The following NRXN1 variants were observed in gnomAD, a reference collection of about 807,000 sequenced individuals.
The protein encoded by NRXN1 is neurexin 1.
A neutral mutation model predicts 150.9 loss-of-function variants in NRXN1; 39 were observed. The ratio of observed to expected loss-of-function variants is 0.26; its 90% CI spans 0.20 to 0.34. The LOEUF is 0.34. Ranked by LOEUF, NRXN1 falls within the 10% of genes least tolerant of loss-of-function variation. The pLI, the probability that NRXN1 is intolerant of heterozygous loss-of-function variation, is 1.00. For synonymous variants in NRXN1, 924 were observed against 757.0 expected, an observed-to-expected ratio of 1.22 and a Z score of -3.62; for missense variants, 1,815 against 1,949.9, an observed-to-expected ratio of 0.93 and a Z score of 1.30.
At chr2:50,692,998 T>A (rs1692287314) in intron 5 of NRXN1, among the ~76,000 whole-genome samples, 1 of 152,168 alleles carries the variant, frequency 6.6e-6, no homozygotes, top group South Asian at 2.1e-4. Context: ...TATCAGTTAC[T>A]GTGTCAATGT....
intron 5 of NRXN1, among the ~76,000 whole-genome samples, chr2:50,817,131 G>C (rs1278071323): frequency 6.6e-6 from 1 of 151,954 alleles, no homozygotes; most frequent in Non-Finnish European, 1.5e-5. Flanking sequence ...GGTGGAGGAA[G>C]GAACAAGAAA....
At chr2:50,339,796 T>C (rs2077432500) in intron 17 of NRXN1, among the ~76,000 whole-genome samples, 1 of 152,220 alleles carries the variant, frequency 6.6e-6, no homozygotes, top group South Asian at 2.1e-4. Flanking sequence ...CACAAGGTAA[T>C]ATTAGATAAA....
intron 18 of NRXN1, among the ~76,000 whole-genome samples, chr2:50,104,857 G>C (rs1049875823): frequency 2.0e-5 from 3 of 151,940 alleles, no homozygotes; most frequent in Admixed American, 6.6e-5. Flanking sequence ...CTTTGAAAAA[G>C]AGAGACACTA....
In NRXN1 at chr2:50,610,642, C is replaced by T. The variant is rs371867677; in HGVS notation, c.1320+9380G>A. On this transcript the variant is annotated intron_variant, in intron 8 of 22. Transcript: ENST00000401669. Reference sequence around the variant, plus strand: ...GCCTGGCACATACTATAAATAGATACATATATATATATATATATATATATA... The same window carrying T: ...GCCTGGCACATACTATAAATAGATATATATATATATATATATATATATATA... Among the ~76,000 whole-genome samples the T allele has an allele frequency of 5.8e-4, 25 of 42,864 alleles. 1 individual carries two copies. The highest frequency in any genetic ancestry group is 3.0e-3 in the South Asian group (3 of 996). The allele number at this position is 42,864 out of a possible 152,430, so 28.1% of individuals were successfully genotyped here.
At chr2:50,553,870 T>C (rs999044954) in intron 8 of NRXN1, among the ~76,000 whole-genome samples, 7 of 152,190 alleles carry the variant, frequency 4.6e-5, no homozygotes, top group African/African-American at 1.4e-4. Flanking sequence ...CATTTGATAA[T>C]TCACTGACAG....
At chr2:50,761,598 A>C (rs1701810982) in intron 5 of NRXN1, among the ~76,000 whole-genome samples, 1 of 151,906 alleles carries the variant, frequency 6.6e-6, no homozygotes. Flanking sequence ...AAAACAGACT[A>C]ATCAATTTTT....
intron 5 of NRXN1, among the ~76,000 whole-genome samples, chr2:50,643,729 A>G (rs1684393878): frequency 6.6e-6 from 1 of 151,668 alleles, no homozygotes; most frequent in Admixed American, 6.6e-5. Context: ...CGATTTCTAG[A>G]CTCCATTTTC....
At chr2:50,587,287 C>A (rs1673312029) in intron 8 of NRXN1, among the ~76,000 whole-genome samples, 1 of 152,298 alleles carries the variant, frequency 6.6e-6, no homozygotes, top group Non-Finnish European at 1.5e-5. Flanking sequence ...GAGTTTGAGA[C>A]CAACCTGGGC....
intron 22 of NRXN1, among the ~76,000 whole-genome samples, chr2:49,932,078 T>C (rs1461862929): frequency 6.6e-6 from 1 of 151,372 alleles, no homozygotes; most frequent in African/African-American, 2.5e-5. Context: ...TGTGAATGTG[T>C]GTGCATGTGA....
At chr2:50,301,774 A>G (rs2074172938) in intron 17 of NRXN1, among the ~76,000 whole-genome samples, 1 of 152,198 alleles carries the variant, frequency 6.6e-6, no homozygotes, top group African/African-American at 2.4e-5. Flanking sequence ...AAGAATCAAG[A>G]TGAGGCCCAT....
At chr2:50,445,349 A>T (rs930969461) in intron 17 of NRXN1, among the ~76,000 whole-genome samples, 1 of 152,212 alleles carries the variant, frequency 6.6e-6, no homozygotes, top group Non-Finnish European at 1.5e-5. Flanking sequence ...CTCTCAGTGC[A>T]TATACCTAAC....
In NRXN1 at chr2:50,491,710, T is replaced by C. The variant is rs549974644; in HGVS notation, c.3070+4195A>G. On this transcript the variant is annotated intron_variant, in intron 15 of 22. Coordinates refer to ENST00000401669, the MANE Select transcript of NRXN1 (RefSeq NM_001330078.2). ...CATAAATAAATCACTGTACTCAGTT[T>C]TATGTAGTTTTGCTAGGTGGCCACC... Among the ~76,000 whole-genome samples, 24 of 152,260 alleles carry C rather than the reference T, an allele frequency of 1.6e-4. 1 individual carries two copies. The highest frequency in any genetic ancestry group is 5.5e-4 in the African/African-American group (23 of 41,552).
intron 2 of NRXN1, among the ~76,000 whole-genome samples, chr2:50,988,523 C>G (rs1237291932): frequency 6.6e-6 from 1 of 151,922 alleles, no homozygotes; most frequent in Non-Finnish European, 1.5e-5. Context: ...CCGTAAATGA[C>G]TGTCAAGGTG....
intron 5 of NRXN1, among the ~76,000 whole-genome samples, chr2:50,864,105 G>A (rs894737946): frequency 6.6e-6 from 1 of 152,000 alleles, no homozygotes; most frequent in African/African-American, 2.4e-5. Flanking sequence ...AAAGGTCTTA[G>A]GTTCCTTTGG....
At chr2:50,264,169 G>C (rs991389590) in intron 17 of NRXN1, among the ~76,000 whole-genome samples, 1 of 151,904 alleles carries the variant, frequency 6.6e-6, no homozygotes, top group African/African-American at 2.4e-5. Context: ...ATTTAAATTA[G>C]TTTTTCAATA....
intron 18 of NRXN1, among the ~76,000 whole-genome samples, chr2:50,121,020 G>A (rs192087212): frequency 3.9e-5 from 6 of 152,146 alleles, no homozygotes; most frequent in Non-Finnish European, 7.4e-5. Flanking sequence ...TAGTTATCTC[G>A]TCTGTTTTTT....
At chr2:50,354,366 A>G (rs1306440083) in intron 17 of NRXN1, among the ~76,000 whole-genome samples, 3 of 151,740 alleles carry the variant, frequency 2.0e-5, no homozygotes, top group Non-Finnish European at 4.4e-5. Context: ...TGCTTCTACA[A>G]ACTTGCTAGC....
intron 21 of NRXN1, among the ~76,000 whole-genome samples, chr2:49,971,073 G>C (rs866920286): frequency 1.3e-5 from 2 of 152,134 alleles, no homozygotes; most frequent in Admixed American, 6.6e-5. Flanking sequence ...TAAATGGGCA[G>C]AGTATAAGTT....
At chr2:50,876,551 A>G (rs1678620982) in intron 5 of NRXN1, among the ~76,000 whole-genome samples, 1 of 151,802 alleles carries the variant, frequency 6.6e-6, no homozygotes. Flanking sequence ...TTCTCTTTGG[A>G]TTACATGTAT....
Sources: gnomAD v4.1 joint callset for allele counts (sites outside exome capture counted in the v4.1 genomes callset) on GRCh38, gnomAD v4.1.1 for gene constraint, MANE v1.5 for transcripts, NCBI Gene and HGNC (gene_info 2026-07-23, HGNC 2026-07-21) for gene names.